The following TXLNB variants were observed in gnomAD, a reference collection of about 807,000 sequenced individuals.
TXLNB encodes taxilin beta.
TXLNB carries 37 observed loss-of-function variants against 57.4 expected under a neutral mutation model. The observed-to-expected ratio is 0.64, with a 90% confidence interval of 0.50 to 0.85. The LOEUF (loss-of-function observed/expected upper bound fraction) is 0.85, where lower values mean the gene tolerates loss of function less well. Among genes scored for constraint, TXLNB ranks in the 40% least tolerant of loss-of-function variants. The pLI, the probability that TXLNB is intolerant of heterozygous loss-of-function variation, is 0.00. For synonymous variants in TXLNB, 302 were observed against 309.6 expected, an observed-to-expected ratio of 0.98 and a Z score of 0.26; for missense variants, 848 against 825.6, an observed-to-expected ratio of 1.03 and a Z score of -0.33.
Position 139,281,628 on chromosome 6 carries a change from A to C in TXLNB, c.425-4707T>G, listed in dbSNP as rs1413665299. ...CAGTGGCGCGATCTCGGCTCACTGC[A>C]AGCTCCGCCTCCCGGGTTCACGCCA... On this transcript the variant is annotated intron_variant, in intron 2 of 9. Coordinates refer to ENST00000358430, the MANE Select transcript of TXLNB (RefSeq NM_153235.4). Among the ~76,000 whole-genome samples, 3 of 95,776 alleles carry C rather than the reference A, an allele frequency of 3.1e-5. 1 individual carries two copies. The highest frequency in any genetic ancestry group is 2.3e-4 in the African/African-American group (3 of 12,834). The allele number at this position is 95,776 out of a possible 152,430, so 62.8% of individuals were successfully genotyped here.
At chr6:139,194,371 TATCA>T in the TXLNB span, among the ~76,000 whole-genome samples, 1 of 152,192 alleles carries the variant, frequency 6.6e-6, no homozygotes, top group Non-Finnish European at 1.5e-5. Flanking sequence ...ACAGAGTATC[TATCA>T]GACATTTCAG....
intron 7 of TXLNB, among the ~76,000 whole-genome samples, chr6:139,249,104 A>G (rs1164228711): frequency 1.3e-5 from 2 of 152,258 alleles, no homozygotes; most frequent in African/African-American, 4.8e-5. Context: ...TGCCAAGTGT[A>G]TGGCTCACCA....
intron 4 of TXLNB, among the ~76,000 whole-genome samples, chr6:139,266,965 G>GAAAAA: frequency 9.1e-6 from 1 of 110,492 alleles, no homozygotes; most frequent in Non-Finnish European, 2.0e-5. Context: ...AGGCTAAAAG[G>GAAAAA]AAAAAAAAAA....
chr6:139,291,742 G>T (rs1305116641), intron 1 of TXLNB, among the ~76,000 whole-genome samples, 179 bp downstream of exon 1: 1 of 152,008 alleles, frequency 6.6e-6, no homozygotes, highest in Non-Finnish European at 1.5e-5. Context: ...ACTTGTGTTG[G>T]CTATTCCAGA....
At chr6:139,227,755 T>C in the TXLNB span, among the ~76,000 whole-genome samples, 146 of 152,312 alleles carry the variant, frequency 9.6e-4, 1 homozygote, top group East Asian at 0.02. Context: ...TGCACATAGA[T>C]AGTTTTGAGC....
At chr6:139,180,721 T>G in the TXLNB span, 1 of 152,632 alleles carries the variant, frequency 6.6e-6, no homozygotes, top group African/African-American at 2.4e-5. Context: ...TTGAAACATT[T>G]GGTTGTGGAA....
rs750763521 is a variant in TXLNB at position 139,242,801 on chromosome 6, G to A, written c.1780C>T (p.Pro594Ser). 1.2e-6 allele frequency: 2 copies of A among 1,614,142 alleles called. No homozygotes were observed. Among genetic ancestry groups the A allele is most frequent in the South Asian group, 1.1e-5 (1 of 91,080 alleles). ...LGAETQCEGL[P>S]VGAQADQASW... ...GCCTGATCAGCCTGTGCTCCAACAG[G>A]GAGACCCTCGCATTGGGTTTCTGCT... is the stretch of plus-strand genomic sequence containing the variant. The change falls in exon 10 of 10, where the codon CCT becomes TCT. Residue 594 changes from proline (P) to serine (S), a missense_variant. Transcript: ENST00000358430.
the TXLNB span, among the ~76,000 whole-genome samples, chr6:139,224,599 T>G: frequency 6.6e-6 from 1 of 151,944 alleles, no homozygotes; most frequent in Admixed American, 6.6e-5. Context: ...TTTTTTAAAT[T>G]AAGAGAATAA....
chr6:139,280,272 A>AAG (rs1777013289), intron 2 of TXLNB, among the ~76,000 whole-genome samples: 1 of 145,356 alleles, frequency 6.9e-6, no homozygotes, highest in Admixed American at 6.7e-5. Context: ...AAAAAAAAAA[A>AAG]AAAGAAAGAA....
chr6:139,204,349 C>T, the TXLNB span, among the ~76,000 whole-genome samples: 1 of 152,194 alleles, frequency 6.6e-6, no homozygotes, highest in East Asian at 1.9e-4. Context: ...AGCCACTGCT[C>T]CCAGCCTAAT....
At chr6:139,226,211 T>C in the TXLNB span, among the ~76,000 whole-genome samples, 1 of 145,150 alleles carries the variant, frequency 6.9e-6, no homozygotes, top group Non-Finnish European at 1.5e-5. Context: ...GGTGGTAGGA[T>C]CACTTGAGCC....
At chr6:139,302,892 T>G in the TXLNB span, among the ~76,000 whole-genome samples, 6 of 152,168 alleles carry the variant, frequency 3.9e-5, no homozygotes, top group African/African-American at 1.4e-4. Context: ...TTTTTCTGTA[T>G]AAGGATAAGT....
the TXLNB span, among the ~76,000 whole-genome samples, chr6:139,305,964 T>G: frequency 1.3e-5 from 2 of 152,156 alleles, no homozygotes; most frequent in Non-Finnish European, 2.9e-5. Context: ...TTATTAATAT[T>G]CGTGTAAAGT....
In TXLNB at chr6:139,242,991, A is replaced by AG; in HGVS notation, c.1589dup (p.Gln531SerfsTer5). ...TGAGAGCGGCGTCAGCACTCTCCTG[A>AG]GAACTGCCTATTTCGGGTTGGGTTT... On this transcript the variant is annotated frameshift_variant, in exon 10 of 10. Transcript: ENST00000358430. LOFTEE classifies it low-confidence loss of function (END_TRUNC). 1 of 1,614,134 alleles carries AG rather than the reference A, an allele frequency of 6.2e-7. No homozygotes were observed. Among genetic ancestry groups the AG allele is most frequent in the South Asian group, 1.1e-5 (1 of 91,074 alleles).
the TXLNB span, chr6:139,177,815 A>G: frequency 1.3e-5 from 2 of 152,268 alleles, no homozygotes; most frequent in Admixed American, 6.5e-5. The surrounding 1 kb of genome is among the most constrained non-coding windows in gnomAD (Gnocchi z 4.9). Context: ...GCAGAACTCA[A>G]TCATTTAAAT....
At chr6:139,231,510 G>A in the TXLNB span, among the ~76,000 whole-genome samples, 1 of 152,018 alleles carries the variant, frequency 6.6e-6, no homozygotes. Context: ...AATGTATGTT[G>A]AATAAATCCT....
At chr6:139,196,644 G>A in the TXLNB span, among the ~76,000 whole-genome samples, 1 of 151,724 alleles carries the variant, frequency 6.6e-6, no homozygotes, top group Non-Finnish European at 1.5e-5. Flanking sequence ...CAAAGTGCTG[G>A]GATTACAGGC....
rs1775917940 is a variant in TXLNB at position 139,240,891 on chromosome 6, G to C, written c.*1635C>G. The C allele has an allele frequency of 6.6e-6, 1 of 152,208 alleles. No homozygotes were observed. The highest frequency in any genetic ancestry group is 1.5e-5 in the Non-Finnish European group (1 of 68,028). 9.4% of individuals were successfully genotyped at this position (152,208 alleles called of 1,614,324 possible). A position where few individuals can be genotyped will look rare whatever the true frequency, so the allele number is the denominator to read the frequency against. On this transcript the variant is annotated 3_prime_UTR_variant, in exon 10 of 10. Transcript: ENST00000358430. ...AGAATGGTTTCCTGGATGAGTACTA[G>C]AGAATTTTGTTTCTATCCATTTTTC...
chr6:139,192,729 G>T, the TXLNB span, among the ~76,000 whole-genome samples: 1 of 151,832 alleles, frequency 6.6e-6, no homozygotes, highest in African/African-American at 2.4e-5. Flanking sequence ...TGGATCATGA[G>T]GTCAGGAGAT....
Sources: allele counts gnomAD v4.1 joint callset (sites outside exome capture counted in the v4.1 genomes callset), GRCh38; gene constraint gnomAD v4.1.1; non-coding constraint Gnocchi (gnomAD v3.1); transcripts MANE v1.5; gene names NCBI Gene and HGNC (gene_info 2026-07-23, HGNC 2026-07-21).